Variants in MYO10 observed in about 807,000 individuals in gnomAD.
MYO10 encodes the protein myosin X.
Under a neutral mutation model 257.3 loss-of-function variants are expected in MYO10, and 133 were observed. That is an observed-to-expected ratio of 0.52 (90% confidence interval 0.45 to 0.60). The LOEUF is 0.60. Among genes scored for constraint, MYO10 ranks in the 20% least tolerant of loss-of-function variants. The probability of loss-of-function intolerance (pLI) is 0.00; values close to 1 mark genes in which losing one functional copy is unlikely to be tolerated. For missense variants in MYO10, 2,399 were observed against 2,635.7 expected, an observed-to-expected ratio of 0.91 and a Z score of 1.97; for synonymous variants, 1,104 against 1,028.6, an observed-to-expected ratio of 1.07 and a Z score of -1.40.
At chr5:16,891,367 GGAAGGAAGGAAGGAGA>G (rs775893823) in intron 1 of MYO10, among the ~76,000 whole-genome samples, 5,278 of 96,416 alleles carry the variant, frequency 0.055, 148 homozygotes, top group Middle Eastern at 0.14. Flanking sequence ...AAGGAAGGAA[GGAAGGAAGGAAGGAGA>G]GAGAGAGGAA....
intron 2 of MYO10, among the ~76,000 whole-genome samples, chr5:16,864,148 A>ATTT (rs34764765): frequency 1.5e-5 from 2 of 134,496 alleles, no homozygotes; most frequent in African/African-American, 5.6e-5. Context: ...CTATGTGGCT[A>ATTT]TTTTTTTTTT....
At chr5:16,689,450 G>A (rs1348010801) in intron 28 of MYO10, among the ~76,000 whole-genome samples, 3 of 151,824 alleles carry the variant, frequency 2.0e-5, no homozygotes, top group Admixed American at 6.6e-5. Context: ...GCCCTTTTTC[G>A]TCCTTATGCA....
chr5:16,830,679 G>GCGCACACACACACACACTCA (rs1554000804), intron 2 of MYO10, among the ~76,000 whole-genome samples: 1 of 148,920 alleles, frequency 6.7e-6, no homozygotes, highest in Non-Finnish European at 1.5e-5. Context: ...TTTTTAATAG[G>GCGCACACACACACACACTCA]CACACACACA....
At chr5:16,836,816 C>T (rs1743326061) in intron 2 of MYO10, among the ~76,000 whole-genome samples, 1 of 152,078 alleles carries the variant, frequency 6.6e-6, no homozygotes, top group African/African-American at 2.4e-5. Flanking sequence ...ATACAGTTAC[C>T]ATATGATCCA....
At chr5:16,896,548 G>A (rs142059565) in intron 1 of MYO10, among the ~76,000 whole-genome samples, 2,938 of 152,146 alleles carry the variant, frequency 0.019, 104 homozygotes, top group African/African-American at 0.067. Flanking sequence ...AGCCGAGATC[G>A]TGCCACTGCG....
intron 27 of MYO10, among the ~76,000 whole-genome samples, chr5:16,692,964 C>CT: frequency 6.6e-6 from 1 of 152,182 alleles, no homozygotes; most frequent in Non-Finnish European, 1.5e-5. Context: ...CTTCTTGGTG[C>CT]TTGTGGCCCC....
rs1275531932 is a variant in MYO10 at position 16,681,879 on chromosome 5, A to G, written c.4181T>C (p.Ile1394Thr). ...GDTRVEGQEF[I>T]VRGWLHKEVK... ...GCAGGGCAGGCAGTCACCTCTCACG[A>G]TGAATTCCTGGCCCTCCACTCTGGT... The change falls in exon 31 of 41, where the codon ATC becomes ACC. Residue 1394 changes from isoleucine (I) to threonine (T), a missense_variant. Physicochemically the swap from Ile to Thr is moderately conservative, Grantham distance 89. Around this residue, in one of 3 missense-constraint regions of MYO10, gnomAD observed 1,820 missense variants for 1,939.4 expected, o/e 0.94. Transcript: ENST00000513610. 1.9e-6 allele frequency: 3 copies of G among 1,613,878 alleles called. No homozygotes were observed. The highest frequency in any genetic ancestry group is 2.5e-6 in the Non-Finnish European group (3 of 1,179,844).
chr5:16,790,799 G>A (rs250350), intron 4 of MYO10, among the ~76,000 whole-genome samples: 52,420 of 151,674 alleles, frequency 0.35, 10,584 homozygotes, highest in Non-Finnish European at 0.45. Context: ...GGCCTATACG[G>A]TGTATGAAAA....
At chr5:16,787,210 G>T (rs1170714681) in intron 4 of MYO10, among the ~76,000 whole-genome samples, 1 of 152,026 alleles carries the variant, frequency 6.6e-6, no homozygotes, top group Non-Finnish European at 1.5e-5. Flanking sequence ...ATGAAGCCAG[G>T]TTGAAGAACT....
chr5:16,835,842 ACATTAATAT>A (rs751560865), intron 2 of MYO10, among the ~76,000 whole-genome samples: 6 of 152,172 alleles, frequency 3.9e-5, no homozygotes, highest in Non-Finnish European at 7.3e-5. Flanking sequence ...GATAACAAAA[ACATTAATAT>A]CATGCTCTGG....
intron 18 of MYO10, 37 bp from the exon 19 acceptor site, chr5:16,754,945 T>C (rs1188128544): frequency 1.5e-6 from 2 of 1,368,586 alleles, no homozygotes; most frequent in Admixed American, 2.0e-5. Context: ...AGTCTCTTAT[T>C]ATGTCATTCT....
intron 2 of MYO10, among the ~76,000 whole-genome samples, chr5:16,833,380 A>G (rs1470947787): frequency 1.3e-5 from 2 of 151,810 alleles, no homozygotes; most frequent in Non-Finnish European, 2.9e-5. Flanking sequence ...CACCTGGATA[A>G]TTTTTGTATT....
intron 1 of MYO10, among the ~76,000 whole-genome samples, chr5:16,907,843 T>C (rs776478073): frequency 1.3e-5 from 2 of 152,238 alleles, no homozygotes; most frequent in Non-Finnish European, 2.9e-5. Flanking sequence ...GGTTTCCTTT[T>C]TCTGAGCTTT....
At chr5:16,698,922 C>T (rs1328916802) in intron 26 of MYO10, among the ~76,000 whole-genome samples, 2 of 143,750 alleles carry the variant, frequency 1.4e-5, no homozygotes, top group East Asian at 1.9e-4. Flanking sequence ...CACGCCCGGC[C>T]GAGAACATGC....
At chr5:16,872,760 C>A (rs2126757592) in intron 2 of MYO10, among the ~76,000 whole-genome samples, 1 of 152,152 alleles carries the variant, frequency 6.6e-6, no homozygotes, top group South Asian at 2.1e-4. Context: ...ATGGTGGTGG[C>A]AAGAGAAAAT....
intron 1 of MYO10, among the ~76,000 whole-genome samples, chr5:16,893,196 C>CAAACAAAAAAA (rs538239809): frequency 1.4e-5 from 1 of 69,614 alleles, no homozygotes; most frequent in Non-Finnish European, 2.7e-5. Flanking sequence ...GACTCTGTCT[C>CAAACAAAAAAA]AAAAAAAAAA....
chr5:16,797,671 G>C (rs1330327930), intron 3 of MYO10, among the ~76,000 whole-genome samples: 3 of 152,180 alleles, frequency 2.0e-5, no homozygotes, highest in Non-Finnish European at 4.4e-5. Context: ...GCTACAATGT[G>C]AATGAGCCTT....
At chr5:16,699,878 G>T (rs945160771) in intron 25 of MYO10, among the ~76,000 whole-genome samples, 1 of 151,290 alleles carries the variant, frequency 6.6e-6, no homozygotes, top group Non-Finnish European at 1.5e-5. Flanking sequence ...CAAATAATTC[G>T]GAATTAAAAA....
At chr5:16,909,228 G>A (rs915920568) in intron 1 of MYO10, among the ~76,000 whole-genome samples, 2 of 152,128 alleles carry the variant, frequency 1.3e-5, no homozygotes, top group African/African-American at 4.8e-5. Context: ...CATCAAATTG[G>A]CCAGGTGCGG....
Sources: gnomAD v4.1 joint callset for allele counts (sites outside exome capture counted in the v4.1 genomes callset) on GRCh38, gnomAD v4.1.1 for gene constraint, gnomAD v4.1.1 regional missense constraint, MANE v1.5 for transcripts, NCBI Gene and HGNC (gene_info 2026-07-23, HGNC 2026-07-21) for gene names.